The following LIMK2 variants were observed in gnomAD, a reference collection of about 807,000 sequenced individuals.
LIMK2 encodes the protein LIM domain kinase 2.
LIMK2 carries 35 observed loss-of-function variants against 75.7 expected under a neutral mutation model. The observed-to-expected ratio is 0.46, with a 90% confidence interval of 0.35 to 0.61. LIMK2 has a LOEUF of 0.61. Ranked by LOEUF, LIMK2 falls within the 20% of genes least tolerant of loss-of-function variation. The probability of loss-of-function intolerance (pLI) is 0.00; values close to 1 mark genes in which losing one functional copy is unlikely to be tolerated. For synonymous variants in LIMK2, 301 were observed against 319.2 expected (o/e 0.94, Z 0.61); for missense variants, 623 against 831.0 (o/e 0.75, Z 3.08).
At position 31,278,872 on chromosome 22, in the gene LIMK2, G is replaced by A. The variant is rs571183478; in HGVS notation, c.*431G>A. 311 of 155,320 alleles carry A rather than the reference G, an allele frequency of 2.0e-3. 1 individual carries two copies. Among genetic ancestry groups the A allele is most frequent in the Non-Finnish European group, 3.6e-3 (251 of 70,156 alleles). The allele number at this position is 155,320 out of a possible 1,614,324, so 9.6% of individuals were successfully genotyped here. On this transcript the variant is annotated 3_prime_UTR_variant, in exon 16 of 16. Coordinates refer to ENST00000331728, the MANE Select transcript of LIMK2 (RefSeq NM_005569.4). ...TCACTAGTCCAGCTGGGTGCAGGAGGACTTCAAGTGTGTGGACGAAAGAAA... is the reference window on the plus strand; with the variant it reads ...TCACTAGTCCAGCTGGGTGCAGGAGAACTTCAAGTGTGTGGACGAAAGAAA...
chr22:31,275,303 G>C lies in LIMK2; in HGVS notation c.1767G>C (p.Glu589Asp). ...LAAICCRLEP[E>D]SRPAFSKLED... Reference sequence around the variant, plus strand: ...CCATCTGCTGCAGACTGGAGCCTGAGAGCAGGTTGGTATCCTGCCTTTTTC... The same window carrying C: ...CCATCTGCTGCAGACTGGAGCCTGACAGCAGGTTGGTATCCTGCCTTTTTC... The change falls in exon 15 of 16, where the codon GAG (glutamate) becomes GAC (aspartate). Residue 589 changes from glutamate to aspartate, a missense_variant. By Grantham distance (45) the Glu-to-Asp change is conservative. Around this residue, in one of 3 missense-constraint regions of LIMK2, gnomAD observed 63 missense variants for 122.8 expected, o/e 0.51. Coordinates refer to ENST00000331728, the MANE Select transcript of LIMK2 (RefSeq NM_005569.4). 1.2e-6 allele frequency: 2 copies of C among 1,614,156 alleles called. No individual in the cohort carries two copies. Among genetic ancestry groups the C allele is most frequent in the Non-Finnish European group, 1.7e-6 (2 of 1,180,036 alleles).
chr22:31,218,449 G>A (rs2048405734), intron 1 of LIMK2, among the ~76,000 whole-genome samples: 1 of 152,236 alleles, frequency 6.6e-6, no homozygotes, highest in Non-Finnish European at 1.5e-5. Flanking sequence ...CTCAGAGCTG[G>A]AAGAAATCAC....
chr22:31,212,425 G>T lies in LIMK2; in HGVS notation c.16+1G>T. ...CCCGGGACCATGTCCGCGCTGGCGG[G>T]TAAGGAAGGGCTGCTCCGCCCTGTC... On this transcript the variant is annotated splice_donor_variant, in intron 1 of 15. Transcript: ENST00000331728. LOFTEE classifies it high-confidence loss of function. 1 of 1,335,228 alleles carries T rather than the reference G, an allele frequency of 7.5e-7. No homozygotes were observed. The highest frequency in any genetic ancestry group is 9.7e-7 in the Non-Finnish European group (1 of 1,032,908). The allele number at this position is 1,335,228 out of a possible 1,614,324, so 82.7% of individuals were successfully genotyped here.
At chr22:31,263,516 T>G (rs182106112) in intron 7 of LIMK2, among the ~76,000 whole-genome samples, 4 of 152,258 alleles carry the variant, frequency 2.6e-5, no homozygotes, top group African/African-American at 9.6e-5. Context: ...CAGTGTTCAG[T>G]AAACGTGACA....
chr22:31,266,764 G>C (rs928643604), intron 8 of LIMK2, among the ~76,000 whole-genome samples: 1 of 152,178 alleles, frequency 6.6e-6, no homozygotes, highest in Admixed American at 6.5e-5. Flanking sequence ...CTGGGTTCTT[G>C]CCTGTCCTCT....
At chr22:31,249,490 C>T (rs2048704190) in intron 2 of LIMK2, among the ~76,000 whole-genome samples, 2 of 152,316 alleles carry the variant, frequency 1.3e-5, no homozygotes, top group South Asian at 4.1e-4. Flanking sequence ...GAAACTCTAC[C>T]TCTAACCTGG....
chr22:31,272,356 G>A (rs993663365), intron 12 of LIMK2, 174 bp from the exon 13 acceptor site: 1 of 488,714 alleles, frequency 2.0e-6, no homozygotes, highest in Non-Finnish European at 3.4e-6. Context: ...ATTACAGGTG[G>A]AAGCCACCGT....
intron 2 of LIMK2, among the ~76,000 whole-genome samples, chr22:31,244,638 T>C (rs2048650772): frequency 6.6e-6 from 1 of 152,102 alleles, no homozygotes; most frequent in Admixed American, 6.5e-5. Flanking sequence ...GTGAAAAATG[T>C]TGATGCTGGG....
chr22:31,212,452 C>G (rs771756298), intron 1 of LIMK2, 28 bp downstream of exon 1: 14 of 1,318,432 alleles, frequency 1.1e-5, no homozygotes, highest in Non-Finnish European at 1.3e-5. Flanking sequence ...CGCCCTGTCC[C>G]GCTGTTATCT....
Sources: gnomAD v4.1 joint callset for allele counts (sites outside exome capture counted in the v4.1 genomes callset) on GRCh38, gnomAD v4.1.1 for gene constraint, gnomAD v4.1.1 regional missense constraint, MANE v1.5 for transcripts, NCBI Gene and HGNC (gene_info 2026-07-23, HGNC 2026-07-21) for gene names.